Variants in CATSPER2 observed in about 807,000 individuals in gnomAD.
CATSPER2 encodes cation channel sperm-associated protein 2.
CATSPER2 carries 56 observed loss-of-function variants against 68.8 expected under a neutral mutation model. The ratio of observed to expected loss-of-function variants is 0.81; its 90% confidence interval spans 0.66 to 1.02. The LOEUF (loss-of-function observed/expected upper bound fraction) is 1.02. Ranked by LOEUF, CATSPER2 falls within the 50% of genes least tolerant of loss-of-function variation. The probability of loss-of-function intolerance (pLI) is 0.00; values close to 1 mark genes in which losing one functional copy is unlikely to be tolerated. For synonymous variants in CATSPER2, 198 were observed against 229.9 expected, an observed-to-expected ratio of 0.86 and a Z score of 1.26; for missense variants, 582 against 642.0, an observed-to-expected ratio of 0.91 and a Z score of 1.01.
At chr15:43,632,477 A>G in intron 11 of CATSPER2, 114 bp from the exon 12 acceptor site, 1 of 1,447,662 alleles carries the variant, frequency 6.9e-7, no homozygotes, top group Non-Finnish European at 9.5e-7. Flanking sequence ...AACAGGAAGC[A>G]AGGAGGGAAA....
rs560099166 is a variant in CATSPER2, at chr15:43,640,645, C to T, written c.389-149G>A. On this transcript the variant is annotated intron_variant, in intron 4 of 12. Transcript: ENST00000396879. ...AAGAGTTAAGAGTTTCTCTTCTTAA[C>T]ACTGTTGCTTCAACCTGTGAAATAC... is the stretch of plus-strand genomic sequence containing the variant. 4 of 1,049,406 alleles carry T rather than the reference C, an allele frequency of 3.8e-6. No individual in the cohort carries two copies. In the East Asian group the frequency reaches 1.0e-4, roughly 27 times the overall value. The allele number at this position is 1,049,406 out of a possible 1,614,324, so 65.0% of individuals were successfully genotyped here.
rs1223178839 is a variant in CATSPER2 at position 43,639,664 on chromosome 15, C to A, written c.696G>T (p.Leu232Phe). The A allele has an allele frequency of 1.2e-6, 2 of 1,612,898 alleles. No homozygotes were observed. Among genetic ancestry groups the A allele is most frequent in the East Asian group, 4.5e-5 (2 of 44,852 alleles). Reference sequence around the variant, plus strand: ...TCACCTTGAGGGCCCTGACCAGGACCAAAATAATAATTTGAATTTGACGGA... The same window carrying A: ...TCACCTTGAGGGCCCTGACCAGGACAAAAATAATAATTTGAATTTGACGGA... The part of the protein sequence containing the change: ...AQFRQIQIII[L>F]VLVRALKSMT... Residue 232 changes from leucine to phenylalanine, a missense_variant, in exon 6 of 13, where the codon TTG becomes TTT. Physicochemically the swap from Leu to Phe is conservative, Grantham distance 22 (BLOSUM62 0). This residue lies in a region of CATSPER2 where 91 missense variants were observed against 72.8 expected (regional missense o/e 1.25). Coordinates refer to ENST00000396879, the MANE Select transcript of CATSPER2 (RefSeq NM_172095.4).
chr15:43,635,751 A>C lies in CATSPER2; in HGVS notation c.1097T>G (p.Met366Arg). Residue 366 changes from methionine to arginine, a missense_variant, in exon 9 of 13, where the codon ATG (methionine) becomes AGG (arginine). Physicochemically the swap from Met to Arg is moderately conservative, Grantham distance 91. This residue lies in a region of CATSPER2 where 235 missense variants were observed against 264.2 expected (regional missense o/e 0.89). Transcript: ENST00000396879. ...ARREVQLKAD[M>R]FKRQIIQRRK... ...CCTCTGGATGATCTGCCGCTTGAAC[A>C]TGTCAGCTTTGAGCTGAACCTCCCG... 2 of 1,613,470 alleles carry C rather than the reference A, an allele frequency of 1.2e-6. No individual in the cohort carries two copies. The highest frequency in any genetic ancestry group is 1.7e-6 in the Non-Finnish European group (2 of 1,179,672).
intron 10 of CATSPER2, chr15:43,634,896 T>C: frequency 5.5e-6 from 1 of 180,242 alleles, no homozygotes. Context: ...ATGAAGGTGT[T>C]GGCAGGGCCA....
chr15:43,628,708 G>C lies in CATSPER2; in HGVS notation c.*1993C>G, dbSNP rs2085839362. On this transcript the variant is annotated 3_prime_UTR_variant, in exon 13 of 13. Coordinates refer to ENST00000396879, the MANE Select transcript of CATSPER2 (RefSeq NM_172095.4). ...CCAGTTCAGGAGAAAGCCTTAATTA[G>C]TGATTTCATCACAACCACCACCTTA... 2.4e-5 allele frequency: 3 copies of C among 127,536 alleles called. No homozygotes were observed. Among genetic ancestry groups the C allele is most frequent in the African/African-American group, 1.1e-4 (3 of 26,508 alleles). The allele number at this position is 127,536 out of a possible 1,614,324, so 7.9% of individuals were successfully genotyped here. A position where few individuals can be genotyped will look rare whatever the true frequency, so the allele number is the denominator to read the frequency against.
intron 4 of CATSPER2, among the ~76,000 whole-genome samples, chr15:43,643,624 AC>A (rs1447848770): frequency 6.6e-6 from 1 of 151,890 alleles, no homozygotes; most frequent in Non-Finnish European, 1.5e-5. Flanking sequence ...GGTGTGAGCC[AC>A]ATGCCCAGCC....
intron 11 of CATSPER2, 157 bp from the exon 12 acceptor site, chr15:43,632,520 G>A (rs1224422652): frequency 1.8e-5 from 25 of 1,407,310 alleles, no homozygotes; most frequent in Non-Finnish European, 2.3e-5. Flanking sequence ...TTTTTACAAC[G>A]AGCAAAGAGG....
chr15:43,638,351 C>T (rs1287179888), intron 7 of CATSPER2, among the ~76,000 whole-genome samples: 7 of 134,966 alleles, frequency 5.2e-5, no homozygotes, highest in Admixed American at 2.4e-4. Context: ...TACAGTGGCA[C>T]TATATCGGCT....
chr15:43,635,659 T>A, intron 9 of CATSPER2, 68 bp downstream of exon 9: 1 of 1,457,882 alleles, frequency 6.9e-7, no homozygotes, highest in Non-Finnish European at 9.6e-7. Flanking sequence ...GGTCGAGAAG[T>A]AGAAACAAGA....
rs1330552120 is a variant in CATSPER2, at chr15:43,630,181, A to G, written c.*520T>C. 6 of 179,784 alleles carry G rather than the reference A, an allele frequency of 3.3e-5. No individual in the cohort carries two copies. Among genetic ancestry groups the G allele is most frequent in the Admixed American group, 2.7e-4 (5 of 18,464 alleles). 11.1% of individuals were successfully genotyped at this position (179,784 alleles called of 1,614,324 possible). On this transcript the variant is annotated 3_prime_UTR_variant, in exon 13 of 13. Transcript: ENST00000396879. ...ATGTTGCCCAGGCTGGAATGCAGTG[A>G]TATGATCCTAGCTTGCTGTAGCCTC...
intron 4 of CATSPER2, among the ~76,000 whole-genome samples, chr15:43,641,592 G>T (rs964066047): frequency 1.1e-4 from 17 of 151,254 alleles, no homozygotes; most frequent in African/African-American, 3.9e-4. Flanking sequence ...TGGCTTTAAA[G>T]TCATCCTGAT....
chr15:43,637,012 A>T (rs2085977093), intron 7 of CATSPER2, among the ~76,000 whole-genome samples: 1 of 149,764 alleles, frequency 6.7e-6, no homozygotes, highest in Non-Finnish European at 1.5e-5. Context: ...TAGTAGAGAC[A>T]AGGTTTCACC....
At chr15:43,648,877 C>T, upstream of CATSPER2, 2 of 1,502,228 alleles carry the variant, frequency 1.3e-6, no homozygotes, top group Non-Finnish European at 8.9e-7. Flanking sequence ...TAGGCCCCGC[C>T]CCGCCCCGCT....
At chr15:43,635,539 G>A in intron 9 of CATSPER2, 123 bp from the exon 10 acceptor site, 2 of 1,219,384 alleles carry the variant, frequency 1.6e-6, no homozygotes, top group Non-Finnish European at 2.4e-6. Flanking sequence ...GTAGTCAAGG[G>A]GTGAAAAAAA....
In CATSPER2 at chr15:43,648,774, C is replaced by T; in HGVS notation, c.-148G>A. On this transcript the variant is annotated 5_prime_UTR_variant, in exon 1 of 13. Transcript: ENST00000396879. The stretch of plus-strand genomic sequence containing the variant: ...GCGCCCCATTCCCCGCCCCGCTCGA[C>T]CCCCAGGTTTCGGCTCACCCCGGGA... 2 of 1,529,804 alleles carry T rather than the reference C, an allele frequency of 1.3e-6. No homozygotes were observed. Among genetic ancestry groups the T allele is most frequent in the African/African-American group, 1.4e-5 (1 of 72,110 alleles). The allele number at this position is 1,529,804 out of a possible 1,614,324, so 94.8% of individuals were successfully genotyped here.
rs1415022594 is a variant in CATSPER2, at chr15:43,639,147, T to G, written c.718-119A>C. ...CCCTCTCTTGCACTGCTGAACCCAG[T>G]CATCTTTGAACCATGGCACCTGTCC... On this transcript the variant is annotated intron_variant, in intron 6 of 12. Transcript: ENST00000396879. The G allele has an allele frequency of 2.9e-5, 36 of 1,229,232 alleles. No homozygotes were observed. The Middle Eastern group carries it at 1.5e-3, about 50-fold the overall frequency. The allele number at this position is 1,229,232 out of a possible 1,614,324, so 76.1% of individuals were successfully genotyped here.
At chr15:43,646,573 T>C (rs537326637) in intron 4 of CATSPER2, among the ~76,000 whole-genome samples, 1 of 151,720 alleles carries the variant, frequency 6.6e-6, no homozygotes, top group African/African-American at 2.4e-5. Flanking sequence ...TATTTCTAGA[T>C]TTTAGCAGTT....
Position 43,629,507 on chromosome 15 carries a change from T to A in CATSPER2, c.*1194A>T, listed in dbSNP as rs1430081791. On this transcript the variant is annotated 3_prime_UTR_variant, in exon 13 of 13. Transcript: ENST00000396879. ...ATACAGTATATATATACTAAATATA[T>A]AAATAACCTCATACATGTTAAACAC... is the stretch of plus-strand genomic sequence containing the variant. The A allele has an allele frequency of 7.4e-6, 1 of 136,042 alleles. No individual in the cohort carries two copies. The highest frequency in any genetic ancestry group is 7.2e-5 in the Admixed American group (1 of 13,926). 8.4% of individuals were successfully genotyped at this position (136,042 alleles called of 1,614,324 possible). A position where few individuals can be genotyped will look rare whatever the true frequency, so the allele number is the denominator to read the frequency against.
At chr15:43,648,400 G>C (rs1188467535) in intron 1 of CATSPER2, among the ~76,000 whole-genome samples, 2 of 152,022 alleles carry the variant, frequency 1.3e-5, no homozygotes, top group African/African-American at 2.4e-5. Flanking sequence ...GCAGGGGCCC[G>C]GGGCTGGACA....
Sources: gnomAD v4.1 joint callset for allele counts (sites outside exome capture counted in the v4.1 genomes callset) on GRCh38, gnomAD v4.1.1 for gene constraint, gnomAD v4.1.1 regional missense constraint, MANE v1.5 for transcripts, NCBI Gene and HGNC (gene_info 2026-07-23, HGNC 2026-07-21) for gene names.